Variants in KPNA6 observed in about 807,000 individuals in gnomAD.
The protein encoded by KPNA6 is importin subunit alpha-7.
In KPNA6, 9 loss-of-function variants were observed where a neutral mutation model predicts 72.0. The ratio of observed to expected loss-of-function variants is 0.13; its 90% CI spans 0.08 to 0.22. The LOEUF (loss-of-function observed/expected upper bound fraction) is 0.22. Ranked by LOEUF, KPNA6 falls within the 10% of genes least tolerant of loss-of-function variation. The pLI, the probability that KPNA6 is intolerant of heterozygous loss-of-function variation, is 1.00. For missense variants in KPNA6, 374 were observed against 655.7 expected (o/e 0.57, Z 4.69); for synonymous variants, 219 against 242.1 (o/e 0.90, Z 0.89).
chr1:32,129,413 G>T lies in KPNA6; in HGVS notation c.4+21279G>T, dbSNP rs187584955. Among the ~76,000 whole-genome samples, 19 of 152,106 alleles carry T rather than the reference G, an allele frequency of 1.2e-4. No homozygotes were observed. In the East Asian group the frequency reaches 3.3e-3, roughly 26 times the overall value. Reference sequence around the variant, plus strand: ...ATTCCTGGGCTCAAGCAATCTGTTTGATTCAAATGCGGTTGTTTTTGTTTT... The same window carrying T: ...ATTCCTGGGCTCAAGCAATCTGTTTTATTCAAATGCGGTTGTTTTTGTTTT... On this transcript the variant is annotated intron_variant, in intron 1 of 13. Coordinates refer to ENST00000373625, the MANE Select transcript of KPNA6 (RefSeq NM_012316.5).
chr1:32,111,777 A>G (rs1641246549), intron 1 of KPNA6, among the ~76,000 whole-genome samples: 1 of 152,106 alleles, frequency 6.6e-6, no homozygotes, highest in Non-Finnish European at 1.5e-5. Flanking sequence ...ATCCTACACT[A>G]TTTCTACTAT....
chr1:32,126,528 G>A (rs1287965367), intron 1 of KPNA6, among the ~76,000 whole-genome samples: 2 of 151,926 alleles, frequency 1.3e-5, no homozygotes, highest in Non-Finnish European at 2.9e-5. Context: ...GGGATTACAG[G>A]CGCCTGCCAC....
In KPNA6 at chr1:32,171,619, C is replaced by G. The variant is rs1191838098; in HGVS notation, c.*725C>G. 1 of 152,146 alleles carries G rather than the reference C, an allele frequency of 6.6e-6. No homozygotes were observed. The highest frequency in any genetic ancestry group is 1.5e-5 in the Non-Finnish European group (1 of 68,052). 9.4% of individuals were successfully genotyped at this position (152,146 alleles called of 1,614,324 possible). ...TCCCTCTGACTCTTTGCCCAGACCTCTTTAGTTTGGGGGATCCTCCTCACT... is the reference window on the plus strand; with the variant it reads ...TCCCTCTGACTCTTTGCCCAGACCTGTTTAGTTTGGGGGATCCTCCTCACT... On this transcript the variant is annotated 3_prime_UTR_variant, in exon 14 of 14. Transcript: ENST00000373625.
At chr1:32,145,956 T>A (rs757813693) in intron 1 of KPNA6, among the ~76,000 whole-genome samples, 2 of 152,246 alleles carry the variant, frequency 1.3e-5, no homozygotes, top group Non-Finnish European at 2.9e-5. Flanking sequence ...CTTCATTCCA[T>A]GTAGTCAGAG....
Position 32,162,178 on chromosome 1 carries a change from T to C in KPNA6, c.747+132T>C, listed in dbSNP as rs936138527. 12 of 913,988 alleles carry C rather than the reference T, an allele frequency of 1.3e-5. No homozygotes were observed. In the Admixed American group the frequency reaches 2.6e-4, roughly 20 times the overall value. 56.6% of individuals were successfully genotyped at this position (913,988 alleles called of 1,614,324 possible). On this transcript the variant is annotated intron_variant, in intron 8 of 13. Coordinates refer to ENST00000373625, the MANE Select transcript of KPNA6 (RefSeq NM_012316.5). ...AAGCAATTGTTAGTGAAGTAGATGA[T>C]CTTGTGTACCTGGATAGTAAAGTGA...
chr1:32,108,105 G>C lies in KPNA6; in HGVS notation c.-26G>C. On this transcript the variant is annotated 5_prime_UTR_variant, in exon 1 of 14. Transcript: ENST00000373625. ...TGAAGCTGCCGCCGTTGCCTCCGCCGCCAAGAGTGAGCGAGCGGACCCGCG... is the reference window on the plus strand; with the variant it reads ...TGAAGCTGCCGCCGTTGCCTCCGCCCCCAAGAGTGAGCGAGCGGACCCGCG... 1 of 1,613,904 alleles carries C rather than the reference G, an allele frequency of 6.2e-7. No individual in the cohort carries two copies. Among genetic ancestry groups the C allele is most frequent in the Non-Finnish European group, 8.5e-7 (1 of 1,179,878 alleles).
chr1:32,120,859 A>G lies in KPNA6; in HGVS notation c.4+12725A>G, dbSNP rs141946610. 3.5e-4 allele frequency among the ~76,000 whole-genome samples: 47 copies of G among 136,048 alleles called. 1 individual carries two copies. The East Asian group carries it at 0.01, about 29-fold the overall frequency. 89.3% of individuals were successfully genotyped at this position (136,048 alleles called of 152,430 possible). ...GTGCTGGGATTACCACCACACCCAG[A>G]CGGAGTTCCTTCTTTTTTTTTTTTT... On this transcript the variant is annotated intron_variant, in intron 1 of 13. Coordinates refer to ENST00000373625, the MANE Select transcript of KPNA6 (RefSeq NM_012316.5).
At chr1:32,153,486 A>G (rs1642074255) in intron 1 of KPNA6, among the ~76,000 whole-genome samples, 1 of 150,068 alleles carries the variant, frequency 6.7e-6, no homozygotes, top group South Asian at 2.1e-4. Context: ...CAGGAGAATC[A>G]TTTGAATCTG....
intron 1 of KPNA6, among the ~76,000 whole-genome samples, chr1:32,131,000 G>T (rs550841414): frequency 1.2e-4 from 18 of 152,040 alleles, no homozygotes; most frequent in Admixed American, 5.9e-4. Context: ...ATTACTATAA[G>T]AAAAAATAGT....
At chr1:32,149,962 C>A (rs1421943995) in intron 1 of KPNA6, among the ~76,000 whole-genome samples, 9 of 151,914 alleles carry the variant, frequency 5.9e-5, no homozygotes, top group African/African-American at 2.2e-4. Flanking sequence ...CCATTCTTAT[C>A]TTTGGTCTTA....
intron 4 of KPNA6, 133 bp downstream of exon 4, chr1:32,157,578 A>G: frequency 1.6e-6 from 1 of 628,524 alleles, no homozygotes; most frequent in Admixed American, 2.7e-5. Flanking sequence ...CTTGTACAAG[A>G]TAGACACATT....
intron 1 of KPNA6, among the ~76,000 whole-genome samples, chr1:32,111,881 T>C (rs1456070613): frequency 6.6e-6 from 1 of 152,214 alleles, no homozygotes; most frequent in Non-Finnish European, 1.5e-5. Context: ...GAGATTGCTT[T>C]ATTCTGACCC....
At chr1:32,161,821 C>T (rs1642243385) in intron 7 of KPNA6, 126 bp from the exon 8 acceptor site, 2 of 695,496 alleles carry the variant, frequency 2.9e-6, no homozygotes. Context: ...TAACTTAGGT[C>T]TGTGAGTAGG....
At position 32,170,689 on chromosome 1, in the gene KPNA6, T is replaced by G. The variant is rs1008872113; in HGVS notation, c.1424-18T>G. On this transcript the variant is annotated intron_variant, in intron 13 of 13. Coordinates refer to ENST00000373625, the MANE Select transcript of KPNA6 (RefSeq NM_012316.5). ...AAAAGCACTCACACTTCCCTCTCCTTCCTTCTTACTACTGTAGGCTTGGAT... is the reference window on the plus strand; with the variant it reads ...AAAAGCACTCACACTTCCCTCTCCTGCCTTCTTACTACTGTAGGCTTGGAT... The G allele has an allele frequency of 6.2e-7, 1 of 1,606,252 alleles. No individual in the cohort carries two copies. Among genetic ancestry groups the G allele is most frequent in the East Asian group, 2.2e-5 (1 of 44,692 alleles).
chr1:32,163,221 T>C lies in KPNA6; in HGVS notation c.912-14T>C. On this transcript the variant is annotated splice_polypyrimidine_tract_variant and intron_variant, in intron 9 of 13. Transcript: ENST00000373625. ...GGTGTGCTGGCCTTCTGATCAGATC[T>C]CCCTCCTCTGTAGGCACAATGATTA... is the stretch of plus-strand genomic sequence containing the variant. 6.3e-7 allele frequency: 1 copy of C among 1,593,902 alleles called. No individual in the cohort carries two copies. The highest frequency in any genetic ancestry group is 8.6e-7 in the Non-Finnish European group (1 of 1,162,220).
chr1:32,163,205 G>C, intron 9 of KPNA6, 30 bp from the exon 10 acceptor site: 1 of 1,491,656 alleles, frequency 6.7e-7, no homozygotes, highest in Non-Finnish European at 9.3e-7. Flanking sequence ...TGGTGTGCTG[G>C]CCTTCTGATC....
Position 32,158,144 on chromosome 1 carries a change from A to G in KPNA6, c.332-123A>G. 2 of 646,076 alleles carry G rather than the reference A, an allele frequency of 3.1e-6. 1 individual carries two copies. 40.0% of individuals were successfully genotyped at this position (646,076 alleles called of 1,614,324 possible). On this transcript the variant is annotated intron_variant, in intron 4 of 13. Transcript: ENST00000373625. ...ATATTGTTAAAACCACCTTACCAGA[A>G]GGGAGTTTGGGAATGTTTGTAAGGG...
At chr1:32,139,330 C>T (rs1557469206) in intron 1 of KPNA6, among the ~76,000 whole-genome samples, 1 of 152,048 alleles carries the variant, frequency 6.6e-6, no homozygotes, top group Non-Finnish European at 1.5e-5. Flanking sequence ...AAGGACCCAG[C>T]AATTCCAAGA....
At chr1:32,152,577 G>A (rs1642050220) in intron 1 of KPNA6, among the ~76,000 whole-genome samples, 1 of 152,120 alleles carries the variant, frequency 6.6e-6, no homozygotes, top group South Asian at 2.1e-4. Context: ...CAGGCACGGT[G>A]GCTCACACCT....
Sources: gnomAD v4.1 joint callset for allele counts (sites outside exome capture counted in the v4.1 genomes callset) on GRCh38, gnomAD v4.1.1 for gene constraint, MANE v1.5 for transcripts, NCBI Gene and HGNC (gene_info 2026-07-23, HGNC 2026-07-21) for gene names.